MSANTD2: variants seen among roughly 807,000 people sequenced by gnomAD.
MSANTD2 encodes myb/SANT-like DNA-binding domain-containing protein 2.
A neutral mutation model predicts 52.6 loss-of-function variants in MSANTD2; 19 were observed. That is an observed-to-expected ratio of 0.36 (90% CI 0.25 to 0.53). The LOEUF is 0.53. Among genes scored for constraint, MSANTD2 ranks in the 20% least tolerant of loss-of-function variants. The pLI is 0.91. For missense variants in MSANTD2, 558 were observed against 716.3 expected (o/e 0.78, Z 2.52); for synonymous variants, 291 against 289.7 (o/e 1.00, Z -0.04).
chr11:124,783,882 G>A (rs1000436402), intron 1 of MSANTD2: 133 of 985,286 alleles, frequency 1.3e-4, no homozygotes, highest in Middle Eastern at 5.2e-4. Flanking sequence ...TGCTATGTGT[G>A]CTTCTCATGG....
At chr11:124,786,095 CTTTTTTTTT>C (rs200399771) in intron 1 of MSANTD2, among the ~76,000 whole-genome samples, 2 of 114,406 alleles carry the variant, frequency 1.7e-5, no homozygotes, top group Non-Finnish European at 1.8e-5. Context: ...ATCATTTCTT[CTTTTTTTTT>C]TTTTTTTTTT....
chr11:124,787,245 G>A (rs905106240), intron 1 of MSANTD2, among the ~76,000 whole-genome samples: 1 of 152,174 alleles, frequency 6.6e-6, no homozygotes, highest in Non-Finnish European at 1.5e-5. Flanking sequence ...GGCGCAACAC[G>A]GGTAGGAATA....
At position 124,766,627 on chromosome 11, in the gene MSANTD2, T is replaced by C. The variant is rs1591434741; in HGVS notation, c.*549A>G. 6.6e-6 allele frequency: 1 copy of C among 151,590 alleles called. No homozygotes were observed. The highest frequency in any genetic ancestry group is 1.9e-4 in the East Asian group (1 of 5,198). 9.4% of individuals were successfully genotyped at this position (151,590 alleles called of 1,614,324 possible). A position where few individuals can be genotyped will look rare whatever the true frequency, so the allele number is the denominator to read the frequency against. ...GATTGGAAATAGCAAAACACTTGGC[T>C]GGTGAAAAAAATGAAAATCTAAATT... On this transcript the variant is annotated 3_prime_UTR_variant, in exon 4 of 4. Coordinates refer to ENST00000374979, the MANE Select transcript of MSANTD2 (RefSeq NM_001308027.2).
chr11:124,772,194 A>G (rs1403711522), intron 3 of MSANTD2, among the ~76,000 whole-genome samples: 1 of 152,122 alleles, frequency 6.6e-6, no homozygotes, highest in Non-Finnish European at 1.5e-5. Context: ...GTCATCTAAG[A>G]GCTTTCTTTT....
intron 3 of MSANTD2, among the ~76,000 whole-genome samples, chr11:124,771,165 C>T (rs570703577): frequency 7.2e-5 from 11 of 152,318 alleles, no homozygotes; most frequent in East Asian, 5.8e-4. Context: ...TGAGTCACCA[C>T]GCCCAACTTA....
At chr11:124,768,661 T>C (rs1326621039) in intron 3 of MSANTD2, among the ~76,000 whole-genome samples, 2 of 152,162 alleles carry the variant, frequency 1.3e-5, no homozygotes, top group South Asian at 2.1e-4. Context: ...CCAAAATTAA[T>C]AGAAGTCAGG....
chr11:124,792,000 T>C (rs1329116930), intron 1 of MSANTD2: 2 of 170,142 alleles, frequency 1.2e-5, no homozygotes, highest in Admixed American at 1.1e-4. Flanking sequence ...GAAAATACTA[T>C]GTGTTGGCTA....
chr11:124,788,589 C>G (rs1565464731), intron 1 of MSANTD2, among the ~76,000 whole-genome samples: 1 of 152,150 alleles, frequency 6.6e-6, no homozygotes. Flanking sequence ...AAGGCCCAAC[C>G]AACTATTAAC....
chr11:124,791,737 G>A, intron 1 of MSANTD2: 3 of 762,718 alleles, frequency 3.9e-6, no homozygotes, highest in Non-Finnish European at 6.6e-6. Flanking sequence ...AGACTGGGGT[G>A]AAAAGGGGAG....
chr11:124,777,627 A>G (rs1944794325), intron 1 of MSANTD2, among the ~76,000 whole-genome samples: 1 of 152,248 alleles, frequency 6.6e-6, no homozygotes, highest in South Asian at 2.1e-4. Context: ...AAAAGACACT[A>G]ACAGATCTTG....
At chr11:124,798,234 T>TAAAAA (rs10601418) in intron 1 of MSANTD2, among the ~76,000 whole-genome samples, 7,404 of 109,942 alleles carry the variant, frequency 0.067, 383 homozygotes, top group East Asian at 0.12. Context: ...CCCTGTCTCT[T>TAAAAA]AAAAAAAAAA....
chr11:124,796,400 G>A (rs1181874566), intron 1 of MSANTD2, among the ~76,000 whole-genome samples: 4 of 152,162 alleles, frequency 2.6e-5, no homozygotes, highest in Non-Finnish European at 5.9e-5. Context: ...TCCTTTTAAA[G>A]TTAGAAGAAA....
At chr11:124,784,710 C>T (rs1164247536) in intron 1 of MSANTD2, 2 of 965,280 alleles carry the variant, frequency 2.1e-6, no homozygotes, top group Non-Finnish European at 2.5e-6. Flanking sequence ...ATCTATAGTG[C>T]AAAGATAACC....
chr11:124,778,209 C>T lies in MSANTD2; in HGVS notation c.511-3235G>A, dbSNP rs555620189. On this transcript the variant is annotated intron_variant, in intron 1 of 3. Coordinates refer to ENST00000374979, the MANE Select transcript of MSANTD2 (RefSeq NM_001308027.2). ...CATTTCAGACAGCTCTCAAACCCAA[C>T]AAGAACCTCAATTTGGCTTTCTTGG... is the stretch of plus-strand genomic sequence containing the variant. Among the ~76,000 whole-genome samples the T allele has an allele frequency of 1.2e-4, 19 of 152,304 alleles. No individual in the cohort carries two copies. In the South Asian group the frequency reaches 3.9e-3, roughly 32 times the overall value.
intron 1 of MSANTD2, chr11:124,791,595 C>T: frequency 6.8e-7 from 1 of 1,460,912 alleles, no homozygotes; most frequent in Non-Finnish European, 9.5e-7. Flanking sequence ...AGGAGTAAGC[C>T]CGCTGCCCAA....
At chr11:124,772,664 G>A (rs749079886) in intron 3 of MSANTD2, among the ~76,000 whole-genome samples, 1 of 149,142 alleles carries the variant, frequency 6.7e-6, no homozygotes, top group Non-Finnish European at 1.5e-5. Flanking sequence ...GTGAACCTGG[G>A]AGGCAGAGCT....
At chr11:124,775,023 C>A in intron 1 of MSANTD2, 49 bp from the exon 2 acceptor site, 8 of 1,496,030 alleles carry the variant, frequency 5.3e-6, no homozygotes, top group South Asian at 1.3e-5. Context: ...ACTTCCTCTT[C>A]CAGGTACGGA....
chr11:124,799,255 A>G (rs1945596748), intron 1 of MSANTD2, among the ~76,000 whole-genome samples: 1 of 152,194 alleles, frequency 6.6e-6, no homozygotes. Context: ...GGTGTACACT[A>G]ACTCCGCGGT....
chr11:124,778,166 A>G (rs898719187), intron 1 of MSANTD2, among the ~76,000 whole-genome samples: 2 of 152,222 alleles, frequency 1.3e-5, no homozygotes, highest in Non-Finnish European at 2.9e-5. Context: ...ATGCTCAGAA[A>G]AACGAAGCCT....
Sources: allele counts gnomAD v4.1 joint callset (sites outside exome capture counted in the v4.1 genomes callset), GRCh38; gene constraint gnomAD v4.1.1; transcripts MANE v1.5; gene names NCBI Gene and HGNC (gene_info 2026-07-23, HGNC 2026-07-21).